Variants in FOXO3 observed in about 807,000 individuals in gnomAD.
FOXO3 encodes forkhead box protein O3.
A neutral mutation model predicts 41.9 loss-of-function variants in FOXO3; 4 were observed. The ratio of observed to expected loss-of-function variants is 0.10; its 90% CI spans 0.05 to 0.22. The LOEUF is 0.22. Ranked by LOEUF, FOXO3 falls within the 10% of genes least tolerant of loss-of-function variation. The pLI is 1.00. For synonymous variants in FOXO3, 318 were observed against 389.3 expected, an observed-to-expected ratio of 0.82 and a Z score of 2.16; for missense variants, 534 against 906.8, an observed-to-expected ratio of 0.59 and a Z score of 5.28.
chr6:108,602,881 C>T (rs1777091594), intron 1 of FOXO3, among the ~76,000 whole-genome samples: 1 of 152,024 alleles, frequency 6.6e-6, no homozygotes, highest in South Asian at 2.1e-4. Flanking sequence ...TACTTTTCTT[C>T]CCTCTTTATG....
intron 1 of FOXO3, among the ~76,000 whole-genome samples, chr6:108,630,442 T>G (rs2128375717): frequency 6.6e-6 from 1 of 152,274 alleles, no homozygotes; most frequent in South Asian, 2.1e-4. Flanking sequence ...TCTTTGTGGC[T>G]GTGAGACTTT....
intron 1 of FOXO3, among the ~76,000 whole-genome samples, chr6:108,655,725 C>T (rs1248712699): frequency 2.0e-5 from 3 of 152,216 alleles, no homozygotes; most frequent in African/African-American, 4.8e-5. Flanking sequence ...CGAAGGCGCC[C>T]ACCCGGGCCT....
chr6:108,624,467 A>G (rs1582790743), intron 1 of FOXO3, among the ~76,000 whole-genome samples: 2 of 152,202 alleles, frequency 1.3e-5, no homozygotes, highest in East Asian at 3.8e-4. Context: ...TGCTTAATAA[A>G]TAGTGGCAAG....
chr6:108,635,696 G>A (rs1778103275), intron 1 of FOXO3, among the ~76,000 whole-genome samples: 1 of 152,160 alleles, frequency 6.6e-6, no homozygotes, highest in South Asian at 2.1e-4. Context: ...GTGGCGAAAC[G>A]ATTGGCCACT....
chr6:108,662,002 A>G (rs559591768), intron 1 of FOXO3, among the ~76,000 whole-genome samples: 7 of 152,172 alleles, frequency 4.6e-5, no homozygotes, highest in Non-Finnish European at 8.8e-5. Context: ...CAATATGGAT[A>G]TATTATTATT....
At chr6:108,612,611 C>T (rs1203870329) in intron 1 of FOXO3, among the ~76,000 whole-genome samples, 5 of 151,718 alleles carry the variant, frequency 3.3e-5, no homozygotes, top group African/African-American at 4.8e-5. Context: ...ACCCGGGAGG[C>T]AGAGGTTGCA....
At chr6:108,621,193 C>G (rs902677259) in intron 1 of FOXO3, among the ~76,000 whole-genome samples, 2 of 152,178 alleles carry the variant, frequency 1.3e-5, no homozygotes, top group Non-Finnish European at 1.5e-5. Flanking sequence ...CCATTAAGCA[C>G]TTTAAAAGCT....
intron 2 of FOXO3, among the ~76,000 whole-genome samples, chr6:108,666,981 G>A (rs2153960): frequency 0.53 from 81,214 of 152,002 alleles, 25,771 homozygotes; most frequent in Non-Finnish European, 0.7. Flanking sequence ...AAAAACTTGA[G>A]CCTTGTTTAA....
chr6:108,563,349 A>T (rs1407337871), intron 1 of FOXO3, among the ~76,000 whole-genome samples: 1 of 152,240 alleles, frequency 6.6e-6, no homozygotes, highest in Non-Finnish European at 1.5e-5. Flanking sequence ...TATGAGTCTT[A>T]TATTTGGTTT....
intron 1 of FOXO3, among the ~76,000 whole-genome samples, chr6:108,595,664 C>CA (rs1429604395): frequency 6.6e-6 from 1 of 152,072 alleles, no homozygotes; most frequent in Non-Finnish European, 1.5e-5. Flanking sequence ...TCAAAGAAAG[C>CA]AAAAACCATA....
chr6:108,569,576 C>A (rs1236127034), intron 1 of FOXO3, among the ~76,000 whole-genome samples: 1 of 152,186 alleles, frequency 6.6e-6, no homozygotes, highest in African/African-American at 2.4e-5. Context: ...TCAGTTACTA[C>A]TATGGAATAA....
Position 108,639,649 on chromosome 6 carries a change from C to A in FOXO3, c.622-23806C>A, listed in dbSNP as rs922554897. 26 of 787,094 alleles carry A rather than the reference C, an allele frequency of 3.3e-5. No individual in the cohort carries two copies. The African/African-American group carries it at 4.5e-4, about 14-fold the overall frequency. The allele number at this position is 787,094 out of a possible 1,614,324, so 48.8% of individuals were successfully genotyped here. On this transcript the variant is annotated intron_variant, in intron 1 of 2. Transcript: ENST00000406360. ...TGGTTGAGCTTAGCCCAAACCTCCC[C>A]CTGCTGAAAATAAATAAATAAAATC...
At chr6:108,569,450 A>G (rs933699224) in intron 1 of FOXO3, among the ~76,000 whole-genome samples, 1 of 152,216 alleles carries the variant, frequency 6.6e-6, no homozygotes, top group East Asian at 1.9e-4. Context: ...TCTTGGTAAA[A>G]CGGAAATGTC....
chr6:108,615,700 A>G (rs907413404), intron 1 of FOXO3, among the ~76,000 whole-genome samples: 2 of 151,816 alleles, frequency 1.3e-5, no homozygotes, highest in African/African-American at 2.4e-5. Context: ...TATGATCTCA[A>G]TTACACATAT....
intron 1 of FOXO3, among the ~76,000 whole-genome samples, chr6:108,588,408 C>T (rs1776645363): frequency 6.6e-6 from 1 of 151,964 alleles, no homozygotes; most frequent in East Asian, 1.9e-4. Flanking sequence ...TGCACAATTA[C>T]ATTTGTTTAA....
At chr6:108,661,354 A>G (rs1778855082) in intron 1 of FOXO3, among the ~76,000 whole-genome samples, 1 of 147,824 alleles carries the variant, frequency 6.8e-6, no homozygotes, top group South Asian at 2.2e-4. Context: ...AACTTTTAGG[A>G]TTGTCCATAT....
chr6:108,671,433 C>T (rs557788699), intron 2 of FOXO3, among the ~76,000 whole-genome samples: 38 of 152,318 alleles, frequency 2.5e-4, no homozygotes, highest in Non-Finnish European at 4.7e-4. Context: ...TGTGGGATGG[C>T]AGAGGAGCTG....
intron 1 of FOXO3, among the ~76,000 whole-genome samples, chr6:108,612,604 C>T (rs368629753): frequency 2.6e-5 from 4 of 151,714 alleles, no homozygotes; most frequent in Non-Finnish European, 5.9e-5. Flanking sequence ...TGCTTGAACC[C>T]GGGAGGCAGA....
intron 1 of FOXO3, among the ~76,000 whole-genome samples, chr6:108,634,969 T>A (rs1206315725): frequency 6.6e-6 from 1 of 151,506 alleles, no homozygotes; most frequent in African/African-American, 2.4e-5. Context: ...TGTGTGCATG[T>A]ATATATATAT....
Sources: allele counts gnomAD v4.1 joint callset (sites outside exome capture counted in the v4.1 genomes callset), GRCh38; gene constraint gnomAD v4.1.1; transcripts MANE v1.5; gene names NCBI Gene and HGNC (gene_info 2026-07-23, HGNC 2026-07-21).